The following DSTN variants were observed in gnomAD, a reference collection of about 807,000 sequenced individuals.
DSTN encodes the protein destrin.
A neutral mutation model predicts 16.8 loss-of-function variants in DSTN; 10 were observed. That is an observed-to-expected ratio of 0.60 (90% CI 0.37 to 1.01). The LOEUF (loss-of-function observed/expected upper bound fraction) is 1.01. DSTN is among the 50% of genes least tolerant of loss of function. The pLI is 0.01. For synonymous variants in DSTN, 57 were observed against 58.9 expected (o/e 0.97, Z 0.14); for missense variants, 141 against 196.7 (o/e 0.72, Z 1.69).
chr20:17,591,238 T>C (rs2035465479), intron 1 of DSTN, among the ~76,000 whole-genome samples: 1 of 152,242 alleles, frequency 6.6e-6, no homozygotes, highest in Non-Finnish European at 1.5e-5. Context: ...CCACTTTTGT[T>C]TTAATATTCA....
chr20:17,594,605 C>G (rs2035505630), intron 1 of DSTN, among the ~76,000 whole-genome samples: 1 of 152,088 alleles, frequency 6.6e-6, no homozygotes, highest in Non-Finnish European at 1.5e-5. Flanking sequence ...GTCATACAGC[C>G]AACTCAGCTT....
At chr20:17,572,126 G>A (rs759869085) in intron 1 of DSTN, among the ~76,000 whole-genome samples, 13 of 152,138 alleles carry the variant, frequency 8.5e-5, no homozygotes, top group Non-Finnish European at 1.9e-4. Flanking sequence ...TTTCTTTTAA[G>A]ATTAAATTTT....
Position 17,608,690 on chromosome 20 carries a change from A to C in DSTN, c.*1544A>C, listed in dbSNP as rs2035668206. ...GGTGTAAAAGTTGGGAACGTTTTCA[A>C]TGTTTATTACACTATAAGTGTAATA... On this transcript the variant is annotated 3_prime_UTR_variant, in exon 4 of 4. Transcript: ENST00000246069. The C allele has an allele frequency of 6.6e-6, 1 of 152,084 alleles. No homozygotes were observed. The highest frequency in any genetic ancestry group is 1.5e-5 in the Non-Finnish European group (1 of 68,020). The allele number at this position is 152,084 out of a possible 1,614,324, so 9.4% of individuals were successfully genotyped here. A position where few individuals can be genotyped will look rare whatever the true frequency, so the allele number is the denominator to read the frequency against.
chr20:17,587,008 C>A (rs977340467), intron 1 of DSTN, among the ~76,000 whole-genome samples: 1 of 151,798 alleles, frequency 6.6e-6, no homozygotes, highest in Middle Eastern at 3.2e-3. Context: ...AATAACACAG[C>A]CAGTTTAAAA....
At chr20:17,583,731 G>GTTCTTTT (rs2035371939) in intron 1 of DSTN, among the ~76,000 whole-genome samples, 1 of 28,026 alleles carries the variant, frequency 3.6e-5, no homozygotes, top group Non-Finnish European at 8.6e-5. Flanking sequence ...TGGGTTTGGA[G>GTTCTTTT]TTTCTTTTTT....
intron 2 of DSTN, 90 bp from the exon 3 acceptor site, chr20:17,604,465 A>G: frequency 7.5e-7 from 1 of 1,335,612 alleles, no homozygotes; most frequent in Non-Finnish European, 1.0e-6. Flanking sequence ...GAGGATTCTC[A>G]GCAAATGTTT....
chr20:17,608,966 G>C lies in DSTN; in HGVS notation c.*1820G>C, dbSNP rs6111581. ...ATTCAGTATAGTAACGTGCTGTCCA[G>C]GTTTGTGGTCTAGGAGTAATAGGCT... is the stretch of plus-strand genomic sequence containing the variant. On this transcript the variant is annotated 3_prime_UTR_variant, in exon 4 of 4. Coordinates refer to ENST00000246069, the MANE Select transcript of DSTN (RefSeq NM_006870.4). 1 of 152,162 alleles carries C rather than the reference G, an allele frequency of 6.6e-6. No individual in the cohort carries two copies. The highest frequency in any genetic ancestry group is 1.5e-5 in the Non-Finnish European group (1 of 68,028). 9.4% of individuals were successfully genotyped at this position (152,162 alleles called of 1,614,324 possible).
intron 1 of DSTN, among the ~76,000 whole-genome samples, chr20:17,584,732 C>T (rs6075226): frequency 6.6e-6 from 1 of 151,724 alleles, no homozygotes; most frequent in Non-Finnish European, 1.5e-5. Flanking sequence ...CAGTTATAGC[C>T]TCACTTTTAG....
At chr20:17,574,490 A>G (rs939835122) in intron 1 of DSTN, among the ~76,000 whole-genome samples, 27 of 152,106 alleles carry the variant, frequency 1.8e-4, no homozygotes, top group Non-Finnish European at 7.3e-5. Flanking sequence ...CCAAAATGTA[A>G]AAGCACACAC....
At chr20:17,573,671 C>T (rs151258705) in intron 1 of DSTN, among the ~76,000 whole-genome samples, 123 of 152,228 alleles carry the variant, frequency 8.1e-4, no homozygotes, top group African/African-American at 2.7e-3. Flanking sequence ...TTGCCTTTCA[C>T]CACTTAATAA....
At chr20:17,591,101 C>G (rs776282736) in intron 1 of DSTN, among the ~76,000 whole-genome samples, 7 of 152,202 alleles carry the variant, frequency 4.6e-5, no homozygotes, top group Admixed American at 1.3e-4. Flanking sequence ...GAGCAAGACC[C>G]TGTCCCCCTT....
chr20:17,595,282 G>A lies in DSTN; in HGVS notation c.4-5456G>A, dbSNP rs188270878. ...GTTAGTAGTAGTAGATTGGAGGAGT[G>A]CCCTCAAACCCATCCTACTCCTCCT... On this transcript the variant is annotated intron_variant, in intron 1 of 3. Transcript: ENST00000246069. Among the ~76,000 whole-genome samples, 14 of 152,178 alleles carry A rather than the reference G, an allele frequency of 9.2e-5. No homozygotes were observed. The East Asian group carries it at 2.7e-3, about 29-fold the overall frequency.
intron 1 of DSTN, among the ~76,000 whole-genome samples, chr20:17,578,611 A>G (rs1279935216): frequency 1.3e-5 from 2 of 152,222 alleles, no homozygotes; most frequent in Admixed American, 6.5e-5. Context: ...GTGGAATTTC[A>G]TGCTCATTGA....
chr20:17,590,487 A>G (rs2035457699), intron 1 of DSTN, among the ~76,000 whole-genome samples: 1 of 152,210 alleles, frequency 6.6e-6, no homozygotes, highest in Admixed American at 6.5e-5. Context: ...ATGGGGGTGG[A>G]GCTCTAAGAG....
Position 17,601,058 on chromosome 20 carries a change from G to T in DSTN, c.311+13G>T. The T allele has an allele frequency of 6.3e-7, 1 of 1,580,724 alleles. No homozygotes were observed. Among genetic ancestry groups the T allele is most frequent in the South Asian group, 1.2e-5 (1 of 85,288 alleles). On this transcript the variant is annotated intron_variant, in intron 2 of 3. Coordinates refer to ENST00000246069, the MANE Select transcript of DSTN (RefSeq NM_006870.4). ...TGTTTTTTTTGTGGTAAGCATGTTAGAAATATTGAGCCTCTGTAAAACTCA... is the reference window on the plus strand; with the variant it reads ...TGTTTTTTTTGTGGTAAGCATGTTATAAATATTGAGCCTCTGTAAAACTCA...
intron 1 of DSTN, among the ~76,000 whole-genome samples, chr20:17,575,521 G>A (rs2035268925): frequency 2.0e-5 from 3 of 151,456 alleles, no homozygotes; most frequent in Admixed American, 2.0e-4. Flanking sequence ...TGGAGTGCAG[G>A]GGCGTGAACA....
intron 1 of DSTN, among the ~76,000 whole-genome samples, chr20:17,595,234 C>G (rs2035513778): frequency 6.6e-6 from 1 of 152,098 alleles, no homozygotes; most frequent in African/African-American, 2.4e-5. Flanking sequence ...TTTTGGAACT[C>G]CCCGTCATAG....
intron 1 of DSTN, among the ~76,000 whole-genome samples, chr20:17,583,837 A>G (rs574634345): frequency 6.9e-6 from 1 of 144,438 alleles, no homozygotes; most frequent in African/African-American, 2.5e-5. Flanking sequence ...CGCTGACTCA[A>G]GTGATCCTCC....
At chr20:17,605,156 C>G (rs1315642833) in intron 3 of DSTN, 1 of 456,220 alleles carries the variant, frequency 2.2e-6, no homozygotes, top group Non-Finnish European at 4.4e-6. Flanking sequence ...TGACTTGCCA[C>G]TGGGTGATTG....
Sources: allele counts gnomAD v4.1 joint callset (sites outside exome capture counted in the v4.1 genomes callset), GRCh38; gene constraint gnomAD v4.1.1; transcripts MANE v1.5; gene names NCBI Gene and HGNC (gene_info 2026-07-23, HGNC 2026-07-21).